MRPL45: variants seen among roughly 807,000 people sequenced by gnomAD.
The protein encoded by MRPL45 is mitochondrial ribosomal protein L45.
MRPL45 carries 20 observed loss-of-function variants against 38.1 expected under a neutral mutation model. The ratio of observed to expected loss-of-function variants is 0.53; its 90% CI spans 0.37 to 0.76. The LOEUF (loss-of-function observed/expected upper bound fraction) is 0.76. MRPL45 is among the 30% of genes least tolerant of loss of function. The probability of loss-of-function intolerance (pLI) is 0.00; values close to 1 mark genes in which losing one functional copy is unlikely to be tolerated. For missense variants in MRPL45, 337 were observed against 395.6 expected, an observed-to-expected ratio of 0.85 and a Z score of 1.26; for synonymous variants, 105 against 128.8, an observed-to-expected ratio of 0.82 and a Z score of 1.25.
intron 4 of MRPL45, among the ~76,000 whole-genome samples, chr17:38,315,518 C>T: frequency 6.6e-6 from 1 of 151,948 alleles, no homozygotes; most frequent in East Asian, 1.9e-4. Flanking sequence ...ATCCTCTTGC[C>T]TCTGCCTCCC....
At chr17:38,304,123 A>T (rs1002633621) in intron 3 of MRPL45, among the ~76,000 whole-genome samples, 1 of 152,174 alleles carries the variant, frequency 6.6e-6, no homozygotes, top group Non-Finnish European at 1.5e-5. Flanking sequence ...CTTCATTTAT[A>T]ATTTGCCCAG....
intron 2 of MRPL45, among the ~76,000 whole-genome samples, 168 bp from the exon 3 acceptor site, chr17:38,299,183 C>T (rs1245153918): frequency 3.9e-5 from 6 of 152,050 alleles, no homozygotes; most frequent in East Asian, 1.9e-4. Context: ...CCACTGTGCC[C>T]GGCCTTGTTT....
At chr17:38,321,668 G>A (rs747822490) in intron 6 of MRPL45, among the ~76,000 whole-genome samples, 40 of 151,502 alleles carry the variant, frequency 2.6e-4, no homozygotes, top group Non-Finnish European at 4.7e-4. Flanking sequence ...TCCAGCCTGG[G>A]CAACAGCAAG....
intron 4 of MRPL45, among the ~76,000 whole-genome samples, chr17:38,312,495 CTGTT>C (rs2037122537): frequency 6.6e-6 from 1 of 152,044 alleles, no homozygotes; most frequent in Admixed American, 6.6e-5. Flanking sequence ...GTACAAGTAT[CTGTT>C]TGAGCTCGTG....
chr17:38,310,134 T>TTC (rs1331119530), intron 4 of MRPL45, among the ~76,000 whole-genome samples: 2 of 148,338 alleles, frequency 1.3e-5, no homozygotes, highest in African/African-American at 4.9e-5. Context: ...AATTTTCTTT[T>TTC]TTTTTTTTTT....
At chr17:38,297,314 C>G in intron 1 of MRPL45, 65 bp downstream of exon 1, 2 of 1,458,760 alleles carry the variant, frequency 1.4e-6, no homozygotes, top group Non-Finnish European at 1.9e-6. Flanking sequence ...GAGGGAAATA[C>G]TCTCTGTGCA....
chr17:38,308,689 C>T (rs2037078044), intron 4 of MRPL45, among the ~76,000 whole-genome samples: 1 of 152,000 alleles, frequency 6.6e-6, no homozygotes, highest in Non-Finnish European at 1.5e-5. Flanking sequence ...ATCCGCCCAC[C>T]TCGGCCTCCC....
In MRPL45 at chr17:38,313,332, ACATATATATATATACG is replaced by A. The variant is rs2037139404; in HGVS notation, c.462-5354_462-5339del. Among the ~76,000 whole-genome samples the A allele has an allele frequency of 5.8e-3, 96 of 16,454 alleles. 7 individuals are homozygous for A. Among genetic ancestry groups the A allele is most frequent in the African/African-American group, 0.022 (91 of 4,068 alleles). 10.8% of individuals were successfully genotyped at this position (16,454 alleles called of 152,430 possible). A position where few individuals can be genotyped will look rare whatever the true frequency, so the allele number is the denominator to read the frequency against. ...AAAAAATATATATATATATATATATACATATATATATATACGTATATATATATATATATACGTATAT... is the reference window on the plus strand; with the variant it reads ...AAAAAATATATATATATATATATATATATATATATATATATATACGTATAT... On this transcript the variant is annotated intron_variant, in intron 4 of 7. Transcript: ENST00000613675.
intron 3 of MRPL45, among the ~76,000 whole-genome samples, chr17:38,302,226 T>C (rs1201657797): frequency 6.6e-6 from 1 of 151,662 alleles, no homozygotes; most frequent in African/African-American, 2.4e-5. Flanking sequence ...GGCTCACAAC[T>C]GTAATCCCAG....
chr17:38,305,004 G>T (rs1308984851), intron 3 of MRPL45, among the ~76,000 whole-genome samples: 1 of 151,444 alleles, frequency 6.6e-6, no homozygotes, highest in African/African-American at 2.4e-5. Flanking sequence ...GTGCCATCAC[G>T]CTTGGCTAAT....
rs530952484 is a variant in MRPL45 at position 38,308,164 on chromosome 17, T to C, written c.461+1533T>C. On this transcript the variant is annotated intron_variant, in intron 4 of 7. Transcript: ENST00000613675. ...TTTTTTCCCCCTTTTTGAGACGGAG[T>C]CTAGCTCTGTCATCCAGGCTGGAGT... 4.6e-5 allele frequency among the ~76,000 whole-genome samples: 7 copies of C among 151,616 alleles called. No individual in the cohort carries two copies. The South Asian group carries it at 1.2e-3, about 27-fold the overall frequency.
At chr17:38,298,908 T>C (rs549033985) in intron 2 of MRPL45, among the ~76,000 whole-genome samples, 1 of 152,178 alleles carries the variant, frequency 6.6e-6, no homozygotes, top group African/African-American at 2.4e-5. Context: ...TTTTGTTTTG[T>C]TTTGTTTTTT....
At chr17:38,322,042 A>G (rs1235368780) in intron 6 of MRPL45, 84 bp from the exon 7 acceptor site, 6 of 1,427,468 alleles carry the variant, frequency 4.2e-6, no homozygotes, top group Non-Finnish European at 3.8e-6. Flanking sequence ...AAAAAAAAAA[A>G]AAAGGTTGTA....
chr17:38,315,959 A>G (rs1221128183), intron 4 of MRPL45, among the ~76,000 whole-genome samples: 1 of 151,600 alleles, frequency 6.6e-6, no homozygotes, highest in African/African-American at 2.4e-5. Context: ...TTTTTTAGTA[A>G]AGATAGGGTT....
chr17:38,309,543 ATT>A (rs59032928), intron 4 of MRPL45, among the ~76,000 whole-genome samples: 1 of 147,056 alleles, frequency 6.8e-6, no homozygotes, highest in South Asian at 2.1e-4. Context: ...AAAAAAAAAG[ATT>A]TTTTTTCTTT....
At chr17:38,298,812 T>G (rs1193889433) in intron 2 of MRPL45, among the ~76,000 whole-genome samples, 186 bp downstream of exon 2, 1 of 152,076 alleles carries the variant, frequency 6.6e-6, no homozygotes, top group East Asian at 1.9e-4. Context: ...ACACTGTCCC[T>G]AGAAGGCAAG....
intron 6 of MRPL45, 58 bp downstream of exon 6, chr17:38,320,825 C>G: frequency 6.4e-7 from 1 of 1,562,948 alleles, no homozygotes; most frequent in Non-Finnish European, 8.8e-7. Context: ...TTGGGCACCT[C>G]CCTCTGGAGT....
At chr17:38,321,395 C>T (rs1239170672) in intron 6 of MRPL45, among the ~76,000 whole-genome samples, 3 of 152,026 alleles carry the variant, frequency 2.0e-5, no homozygotes, top group African/African-American at 7.2e-5. Flanking sequence ...TTTTTCTACC[C>T]ATTAAGATTT....
At chr17:38,322,032 A>AG (rs2037234376) in intron 6 of MRPL45, 94 bp from the exon 7 acceptor site, 34 of 224,786 alleles carry the variant, frequency 1.5e-4, no homozygotes, top group Non-Finnish European at 2.5e-4. Flanking sequence ...ACTCTGTCTC[A>AG]AAAAAAAAAA....
Sources: allele counts gnomAD v4.1 joint callset (sites outside exome capture counted in the v4.1 genomes callset), GRCh38; gene constraint gnomAD v4.1.1; transcripts MANE v1.5; gene names NCBI Gene and HGNC (gene_info 2026-07-23, HGNC 2026-07-21).